Variants in MAF observed in about 807,000 individuals in gnomAD.
MAF encodes transcription factor Maf.
MAF carries 10 observed loss-of-function variants against 22.0 expected under a neutral mutation model. The observed-to-expected ratio is 0.45, with a 90% CI of 0.28 to 0.77. The LOEUF (loss-of-function observed/expected upper bound fraction) is 0.77. Ranked by LOEUF, MAF falls within the 30% of genes least tolerant of loss-of-function variation. The pLI is 0.12. For missense variants in MAF, 544 were observed against 548.4 expected (o/e 0.99, Z 0.08); for synonymous variants, 337 against 255.8 (o/e 1.32, Z -3.03).
the MAF span, among the ~76,000 whole-genome samples, chr16:79,266,025 C>CTTTT: frequency 2.1e-5 from 3 of 141,974 alleles, no homozygotes; most frequent in African/African-American, 7.9e-5. Context: ...CCTTTCTTTT[C>CTTTT]TTCTTTTCTT....
At chr16:79,592,336 C>T (rs149989861), downstream of MAF, among the ~76,000 whole-genome samples, 947 of 152,276 alleles carry the variant, frequency 6.2e-3, 10 homozygotes, top group Admixed American at 0.022. Flanking sequence ...TGTCCCCTAC[C>T]CCCGCTAGGG....
chr16:79,359,770 C>T, the MAF span, among the ~76,000 whole-genome samples: 1 of 152,150 alleles, frequency 6.6e-6, no homozygotes, highest in Non-Finnish European at 1.5e-5. Flanking sequence ...ACCAACAACT[C>T]ATCTTTCATC....
At chr16:79,341,900 A>G in the MAF span, among the ~76,000 whole-genome samples, 1 of 152,206 alleles carries the variant, frequency 6.6e-6, no homozygotes, top group African/African-American at 2.4e-5. Flanking sequence ...TGAACAGAAC[A>G]GGGATGATGT....
the MAF span, among the ~76,000 whole-genome samples, chr16:79,553,502 C>T: frequency 6.6e-6 from 1 of 152,208 alleles, no homozygotes; most frequent in African/African-American, 2.4e-5. Flanking sequence ...CAGAAAGCAC[C>T]TTTGTCAAAG....
the MAF span, among the ~76,000 whole-genome samples, chr16:79,354,838 C>G: frequency 1.4e-4 from 22 of 152,130 alleles, 1 homozygote; most frequent in African/African-American, 5.1e-4. Context: ...TTCTAGTGAA[C>G]ACACACACAG....
chr16:79,565,786 G>A, the MAF span, among the ~76,000 whole-genome samples: 1 of 152,204 alleles, frequency 6.6e-6, no homozygotes, highest in African/African-American at 2.4e-5. Flanking sequence ...AGAATGGACT[G>A]ATAAACTTAG....
At chr16:79,378,892 C>G in the MAF span, among the ~76,000 whole-genome samples, 1 of 152,148 alleles carries the variant, frequency 6.6e-6, no homozygotes, top group African/African-American at 2.4e-5. Context: ...CTTAAAGTCT[C>G]AGAAATTAAG....
the MAF span, among the ~76,000 whole-genome samples, chr16:79,445,737 C>G: frequency 6.6e-6 from 1 of 152,230 alleles, no homozygotes; most frequent in East Asian, 1.9e-4. Flanking sequence ...TCCCTCATCC[C>G]TGTCTCATCC....
the MAF span, among the ~76,000 whole-genome samples, chr16:79,576,421 T>A: frequency 3.5e-4 from 54 of 152,232 alleles, no homozygotes; most frequent in African/African-American, 1.2e-3. Flanking sequence ...TGCATGTTAG[T>A]ATACAAAGCC....
chr16:79,485,950 C>T, the MAF span, among the ~76,000 whole-genome samples: 1 of 152,196 alleles, frequency 6.6e-6, no homozygotes, highest in African/African-American at 2.4e-5. Context: ...ACTGATGGAA[C>T]TCTATAAGGA....
At chr16:79,432,362 T>G in the MAF span, among the ~76,000 whole-genome samples, 1 of 152,230 alleles carries the variant, frequency 6.6e-6, no homozygotes, top group East Asian at 1.9e-4. Flanking sequence ...AATGTGAGAA[T>G]GTACTAATAC....
chr16:79,334,863 A>ATGTGTGTGTG, the MAF span, among the ~76,000 whole-genome samples: 28 of 61,258 alleles, frequency 4.6e-4, no homozygotes, highest in African/African-American at 1.1e-3. Flanking sequence ...GTGTGTGTGT[A>ATGTGTGTGTG]TGTGTGTGTG....
the MAF span, among the ~76,000 whole-genome samples, chr16:79,485,121 C>T: frequency 1.3e-5 from 2 of 152,090 alleles, no homozygotes; most frequent in Non-Finnish European, 2.9e-5. Flanking sequence ...GTATAGATAC[C>T]AGATAAAAGC....
At chr16:79,421,499 G>C in the MAF span, among the ~76,000 whole-genome samples, 492 of 152,272 alleles carry the variant, frequency 3.2e-3, 25 homozygotes, top group East Asian at 0.078. Flanking sequence ...ACTGGCTCTT[G>C]TCACTTAGTA....
At chr16:79,575,167 T>C in the MAF span, among the ~76,000 whole-genome samples, 328 of 152,166 alleles carry the variant, frequency 2.2e-3, 1 homozygote, top group African/African-American at 7.5e-3. Flanking sequence ...GCCCCAATCC[T>C]ACTCACTCCT....
At chr16:79,441,115 G>C in the MAF span, among the ~76,000 whole-genome samples, 1 of 152,200 alleles carries the variant, frequency 6.6e-6, no homozygotes, top group Non-Finnish European at 1.5e-5. Flanking sequence ...TAGATTACTA[G>C]TACATGCCAG....
chr16:79,504,914 C>A, the MAF span, among the ~76,000 whole-genome samples: 1 of 152,192 alleles, frequency 6.6e-6, no homozygotes, highest in Non-Finnish European at 1.5e-5. Context: ...CATACACACA[C>A]AGTGTGGAGT....
the MAF span, among the ~76,000 whole-genome samples, chr16:79,210,235 C>CCAAA: frequency 5.9e-5 from 9 of 152,188 alleles, no homozygotes; most frequent in African/African-American, 2.2e-4. Flanking sequence ...GAAGCTAAAA[C>CCAAA]CAAACAACAA....
At chr16:79,516,496 G>A in the MAF span, among the ~76,000 whole-genome samples, 3 of 152,178 alleles carry the variant, frequency 2.0e-5, no homozygotes, top group Non-Finnish European at 2.9e-5. Flanking sequence ...GCTCAGAGAT[G>A]TTAAGTAAAT....
Sources: gnomAD v4.1 joint callset for allele counts (sites outside exome capture counted in the v4.1 genomes callset) on GRCh38, gnomAD v4.1.1 for gene constraint, MANE v1.5 for transcripts, NCBI Gene and HGNC (gene_info 2026-07-23, HGNC 2026-07-21) for gene names.